NFATC2: variants seen among roughly 807,000 people sequenced by gnomAD.
The protein encoded by NFATC2 is nuclear factor of activated T-cells, cytoplasmic 2.
A neutral mutation model predicts 87.3 loss-of-function variants in NFATC2; 22 were observed. That is an observed-to-expected ratio of 0.25 (90% CI 0.18 to 0.36). The LOEUF (loss-of-function observed/expected upper bound fraction) is 0.36, where lower values mean the gene tolerates loss of function less well. NFATC2 is among the 10% of genes least tolerant of loss of function. The probability of loss-of-function intolerance (pLI) is 1.00; values close to 1 mark genes in which losing one functional copy is unlikely to be tolerated. For missense variants in NFATC2, 1,149 were observed against 1,259.1 expected, an observed-to-expected ratio of 0.91 and a Z score of 1.32; for synonymous variants, 565 against 542.2, an observed-to-expected ratio of 1.04 and a Z score of -0.58.
chr20:51,405,557 G>C (rs1988480324), intron 9 of NFATC2, among the ~76,000 whole-genome samples: 1 of 152,184 alleles, frequency 6.6e-6, no homozygotes, highest in African/African-American at 2.4e-5. Flanking sequence ...TGTGGCCCTG[G>C]TGTTTTGGGA....
chr20:51,555,329 C>T (rs2076968422), intron 1 of NFATC2, among the ~76,000 whole-genome samples: 2 of 152,180 alleles, frequency 1.3e-5, no homozygotes, highest in African/African-American at 4.8e-5. Context: ...TGCGGTGGCT[C>T]ATGCCTGTAA....
chr20:51,487,329 T>C (rs1272497587), intron 3 of NFATC2, among the ~76,000 whole-genome samples: 28 of 151,986 alleles, frequency 1.8e-4, no homozygotes, highest in Non-Finnish European at 4.0e-4. Flanking sequence ...GATAAGACAT[T>C]CCTCTGCGGG....
chr20:51,425,439 T>C (rs550573785), intron 9 of NFATC2, among the ~76,000 whole-genome samples: 15 of 152,332 alleles, frequency 9.8e-5, no homozygotes, highest in African/African-American at 3.6e-4. Flanking sequence ...CCACAGCCTC[T>C]GGGCCACTTG....
At chr20:51,457,396 A>G (rs1037293669) in intron 5 of NFATC2, among the ~76,000 whole-genome samples, 2 of 152,182 alleles carry the variant, frequency 1.3e-5, no homozygotes, top group African/African-American at 4.8e-5. Context: ...AGGGGCTGCA[A>G]GCTCTCAGTG....
intron 10 of NFATC2, among the ~76,000 whole-genome samples, chr20:51,393,425 T>G (rs1986606669): frequency 7.0e-6 from 1 of 142,578 alleles, no homozygotes; most frequent in South Asian, 2.2e-4. Context: ...ATTAGATATG[T>G]ATTAGAAATA....
intron 1 of NFATC2, among the ~76,000 whole-genome samples, chr20:51,532,783 G>A (rs935180016): frequency 1.3e-5 from 2 of 152,222 alleles, no homozygotes; most frequent in African/African-American, 2.4e-5. Context: ...AAGCAGAATC[G>A]TATGACCAAA....
intron 9 of NFATC2, among the ~76,000 whole-genome samples, chr20:51,407,124 C>T (rs985796047): frequency 6.6e-6 from 1 of 152,232 alleles, no homozygotes; most frequent in African/African-American, 2.4e-5. Context: ...TTGCCTTAGA[C>T]ACCTGCTGTT....
chr20:51,512,411 G>A (rs529936012), intron 3 of NFATC2, among the ~76,000 whole-genome samples: 107 of 152,228 alleles, frequency 7.0e-4, no homozygotes, highest in African/African-American at 2.5e-3. Flanking sequence ...CAGCCCCTGA[G>A]CTCCCTCAGG....
chr20:51,417,202 G>T (rs768536209), intron 9 of NFATC2, among the ~76,000 whole-genome samples: 1 of 151,996 alleles, frequency 6.6e-6, no homozygotes, highest in African/African-American at 2.4e-5. Context: ...CTTCCACGGC[G>T]CCCAGTAAGG....
chr20:51,483,630 C>G (rs1397388891), intron 3 of NFATC2, among the ~76,000 whole-genome samples: 3 of 144,034 alleles, frequency 2.1e-5, no homozygotes, highest in Non-Finnish European at 4.5e-5. Context: ...CACACACACA[C>G]AGACACACAC....
At position 51,431,628 on chromosome 20, in the gene NFATC2, T is replaced by C. The variant is rs117593412; in HGVS notation, c.2722+439A>G. ...TCTTCTTCCTTTTCCTCCCTCTCCC[T>C]CCCTCAAATATACAAAAGAGGGCTA... On this transcript the variant is annotated intron_variant, in intron 9 of 10. Transcript: ENST00000371564. Among the ~76,000 whole-genome samples, 1,674 of 152,214 alleles carry C rather than the reference T, an allele frequency of 0.011. 70 individuals are homozygous for C. In the East Asian group the frequency reaches 0.14, roughly 13 times the overall value.
chr20:51,554,137 C>T (rs547153526), intron 1 of NFATC2, among the ~76,000 whole-genome samples: 1 of 152,308 alleles, frequency 6.6e-6, no homozygotes, highest in African/African-American at 2.4e-5. Flanking sequence ...CACACACCCC[C>T]ACCGCCTCCA....
intron 9 of NFATC2, among the ~76,000 whole-genome samples, chr20:51,415,633 T>C (rs975699718): frequency 6.6e-6 from 1 of 152,132 alleles, no homozygotes; most frequent in Non-Finnish European, 1.5e-5. Flanking sequence ...TAAAGATACA[T>C]TTCTAGAAGT....
chr20:51,518,617 T>C (rs950135007), intron 2 of NFATC2, among the ~76,000 whole-genome samples: 6 of 152,132 alleles, frequency 3.9e-5, no homozygotes, highest in African/African-American at 1.2e-4. Flanking sequence ...TGGACTAACA[T>C]TATCAAATAA....
Position 51,488,145 on chromosome 20 carries a change from T to C in NFATC2, c.1333-12485A>G, listed in dbSNP as rs186805652. On this transcript the variant is annotated intron_variant, in intron 3 of 10. Transcript: ENST00000371564. ...TCATCGGGGCCGTTCCCAAGTTCAT[T>C]CACTCCTCCGTTTAGTCATTCACGC... is the stretch of plus-strand genomic sequence containing the variant. 1.7e-3 allele frequency among the ~76,000 whole-genome samples: 253 copies of C among 152,238 alleles called. 1 individual carries two copies. Among genetic ancestry groups the C allele is most frequent in the Non-Finnish European group, 2.9e-3 (199 of 68,008 alleles).
chr20:51,530,875 T>G (rs2076622203), intron 1 of NFATC2, among the ~76,000 whole-genome samples: 2 of 152,156 alleles, frequency 1.3e-5, no homozygotes, highest in Admixed American at 6.5e-5. Flanking sequence ...AGTCCCACAT[T>G]GAAGTCTATC....
At chr20:51,475,739 C>A in intron 3 of NFATC2, 79 bp from the exon 4 acceptor site, 2 of 1,392,256 alleles carry the variant, frequency 1.4e-6, no homozygotes, top group Non-Finnish European at 2.0e-6. Flanking sequence ...GACCAGAGAG[C>A]TCATGGGCAG....
intron 9 of NFATC2, among the ~76,000 whole-genome samples, chr20:51,413,299 G>A (rs1158624803): frequency 6.6e-6 from 1 of 152,004 alleles, no homozygotes; most frequent in Non-Finnish European, 1.5e-5. Flanking sequence ...AGAGGGCCCT[G>A]GGTTCCAAAG....
intron 2 of NFATC2, 111 bp downstream of exon 2, chr20:51,522,970 A>G: frequency 7.0e-7 from 1 of 1,427,412 alleles, no homozygotes; most frequent in Non-Finnish European, 9.5e-7. Context: ...GCCAAGATTT[A>G]AATCCATTTA....
Sources: gnomAD v4.1 joint callset for allele counts (sites outside exome capture counted in the v4.1 genomes callset) on GRCh38, gnomAD v4.1.1 for gene constraint, MANE v1.5 for transcripts, NCBI Gene and HGNC (gene_info 2026-07-23, HGNC 2026-07-21) for gene names.